Variants in MTMR12 observed in about 807,000 individuals in gnomAD.
MTMR12 encodes the protein myotubularin-related protein 12.
Under a neutral mutation model 96.7 loss-of-function variants are expected in MTMR12, and 33 were observed. The ratio of observed to expected loss-of-function variants is 0.34; its 90% CI spans 0.26 to 0.46. The LOEUF (loss-of-function observed/expected upper bound fraction) is 0.46, where lower values mean the gene tolerates loss of function less well. Among genes scored for constraint, MTMR12 ranks in the 20% least tolerant of loss-of-function variants. MTMR12 has a pLI of 1.00. For missense variants in MTMR12, 721 were observed against 896.1 expected, an observed-to-expected ratio of 0.80 and a Z score of 2.49; for synonymous variants, 298 against 327.2, an observed-to-expected ratio of 0.91 and a Z score of 0.96.
chr5:32,280,342 A>C (rs1407142668), intron 1 of MTMR12, among the ~76,000 whole-genome samples: 1 of 152,218 alleles, frequency 6.6e-6, no homozygotes, highest in African/African-American at 2.4e-5. Context: ...GACAAACTCT[A>C]AGAAGCAACA....
intron 5 of MTMR12, among the ~76,000 whole-genome samples, chr5:32,270,030 C>T (rs2112079363): frequency 6.6e-6 from 1 of 152,130 alleles, no homozygotes; most frequent in South Asian, 2.1e-4. Flanking sequence ...AAGGAGTTAC[C>T]ACTAAGTGTG....
intron 1 of MTMR12, among the ~76,000 whole-genome samples, chr5:32,282,420 AAAATAAATAAATAAATAAATAAATAAAT>A (rs202223564): frequency 6.9e-6 from 1 of 144,994 alleles, no homozygotes; most frequent in African/African-American, 2.5e-5. Flanking sequence ...GACTCCATCT[AAAATAAATAAATAAATAAATAAATAAAT>A]AAATAAATAA....
Position 32,312,867 on chromosome 5 carries a change from G to C in MTMR12, c.-29C>G. 6.6e-7 allele frequency: 1 copy of C among 1,509,674 alleles called. No homozygotes were observed. The highest frequency in any genetic ancestry group is 1.2e-5 in the South Asian group (1 of 82,362). 93.5% of individuals were successfully genotyped at this position (1,509,674 alleles called of 1,614,324 possible). On this transcript the variant is annotated 5_prime_UTR_variant, in exon 1 of 16. Coordinates refer to ENST00000382142, the MANE Select transcript of MTMR12 (RefSeq NM_001040446.3). This position sits in a 1 kb window ranked among gnomAD's most constrained non-coding sequence, Gnocchi z 5.0. ...GCCGCCCTGGGAAGCAGCGACGCGCGGACGCAGAGGCGGCGGCTCGGGCTC... is the reference window on the plus strand; with the variant it reads ...GCCGCCCTGGGAAGCAGCGACGCGCCGACGCAGAGGCGGCGGCTCGGGCTC...
At chr5:32,238,582 T>C (rs140864347) in intron 13 of MTMR12, among the ~76,000 whole-genome samples, 2 of 152,302 alleles carry the variant, frequency 1.3e-5, no homozygotes, top group Non-Finnish European at 2.9e-5. Flanking sequence ...TCTGGTCCCA[T>C]GACTTTCAGA....
chr5:32,307,791 C>T (rs1751415791), intron 1 of MTMR12, among the ~76,000 whole-genome samples: 1 of 152,180 alleles, frequency 6.6e-6, no homozygotes, highest in Non-Finnish European at 1.5e-5. Context: ...TCTTAAAATA[C>T]TTTATCCAGT....
intron 7 of MTMR12, among the ~76,000 whole-genome samples, chr5:32,256,475 A>G (rs1368168337): frequency 1.3e-5 from 2 of 152,246 alleles, no homozygotes; most frequent in Non-Finnish European, 2.9e-5. Context: ...TTCAACTTCT[A>G]TAGGAGAAAA....
intron 1 of MTMR12, among the ~76,000 whole-genome samples, chr5:32,291,763 T>C (rs1750744680): frequency 6.6e-6 from 1 of 152,190 alleles, no homozygotes; most frequent in African/African-American, 2.4e-5. Context: ...CACTGTTGAG[T>C]GCCCAGTTTG....
intron 10 of MTMR12, among the ~76,000 whole-genome samples, chr5:32,244,754 C>T (rs1748612231): frequency 6.6e-6 from 1 of 152,150 alleles, no homozygotes; most frequent in Non-Finnish European, 1.5e-5. Flanking sequence ...ATTGCTGTTT[C>T]CCCTGCAAGA....
At chr5:32,238,956 G>A (rs2111993996) in intron 13 of MTMR12, 45 bp downstream of exon 13, 1 of 1,491,606 alleles carries the variant, frequency 6.7e-7, no homozygotes. Context: ...AAGAGATTCA[G>A]TAGTTCTCCC....
At chr5:32,303,780 G>A (rs1751236376) in intron 1 of MTMR12, among the ~76,000 whole-genome samples, 1 of 140,356 alleles carries the variant, frequency 7.1e-6, no homozygotes, top group Non-Finnish European at 1.5e-5. Flanking sequence ...ATCTCAGCTT[G>A]AGCCCTTTTC....
intron 1 of MTMR12, among the ~76,000 whole-genome samples, chr5:32,288,517 C>T (rs1044676311): frequency 6.6e-6 from 1 of 152,076 alleles, no homozygotes; most frequent in Non-Finnish European, 1.5e-5. Context: ...GACTGTGGCA[C>T]GTGATGAGGT....
chr5:32,250,069 C>T (rs904316573), intron 8 of MTMR12, among the ~76,000 whole-genome samples: 2 of 152,200 alleles, frequency 1.3e-5, no homozygotes, highest in African/African-American at 4.8e-5. Context: ...GATATGCTAG[C>T]AGTGGCGTAG....
intron 1 of MTMR12, among the ~76,000 whole-genome samples, chr5:32,302,545 C>T (rs1400282923): frequency 2.6e-5 from 4 of 152,016 alleles, no homozygotes; most frequent in Non-Finnish European, 2.9e-5. Flanking sequence ...GGTGAAACCC[C>T]GTCTCCACCA....
At chr5:32,256,505 A>C (rs149843187) in intron 7 of MTMR12, among the ~76,000 whole-genome samples, 1 of 152,358 alleles carries the variant, frequency 6.6e-6, no homozygotes, top group African/African-American at 2.4e-5. Flanking sequence ...TAAAAAGAAC[A>C]AACTTGTTAA....
chr5:32,261,244 T>C (rs1200820079), intron 7 of MTMR12, among the ~76,000 whole-genome samples: 1 of 151,960 alleles, frequency 6.6e-6, no homozygotes, highest in Non-Finnish European at 1.5e-5. Context: ...AAAAAACATG[T>C]AGGTCAGATC....
chr5:32,303,675 C>T (rs1751232632), intron 1 of MTMR12, among the ~76,000 whole-genome samples: 1 of 152,100 alleles, frequency 6.6e-6, no homozygotes, highest in East Asian at 1.9e-4. Context: ...TTGATCAAAA[C>T]TCCATCTACC....
intron 1 of MTMR12, among the ~76,000 whole-genome samples, chr5:32,279,722 A>C (rs1032531551): frequency 6.6e-6 from 1 of 152,224 alleles, no homozygotes; most frequent in African/African-American, 2.4e-5. Context: ...CGGACCTGGC[A>C]GGGGGGCAGG....
chr5:32,303,821 C>A (rs1434581069), intron 1 of MTMR12, among the ~76,000 whole-genome samples: 1 of 107,364 alleles, frequency 9.3e-6, no homozygotes, highest in Non-Finnish European at 1.7e-5. Flanking sequence ...TCAATGGCTA[C>A]AAACTCACTG....
At chr5:32,295,125 A>G (rs1272279720) in intron 1 of MTMR12, among the ~76,000 whole-genome samples, 1 of 152,186 alleles carries the variant, frequency 6.6e-6, no homozygotes, top group Non-Finnish European at 1.5e-5. Context: ...GGCTGCTGGT[A>G]CCCCACTCCT....
Sources: allele counts gnomAD v4.1 joint callset (sites outside exome capture counted in the v4.1 genomes callset), GRCh38; gene constraint gnomAD v4.1.1; non-coding constraint Gnocchi (gnomAD v3.1); transcripts MANE v1.5; gene names NCBI Gene and HGNC (gene_info 2026-07-23, HGNC 2026-07-21).